The following UBAP2 variants were observed in gnomAD, a reference collection of about 807,000 sequenced individuals.
The protein encoded by UBAP2 is ubiquitin associated protein 2.
UBAP2 carries 75 observed loss-of-function variants against 139.6 expected under a neutral mutation model. The observed-to-expected ratio is 0.54, with a 90% CI of 0.45 to 0.65. The LOEUF is 0.65. Among genes scored for constraint, UBAP2 ranks in the 30% least tolerant of loss-of-function variants. The pLI, the probability that UBAP2 is intolerant of heterozygous loss-of-function variation, is 0.00. For missense variants in UBAP2, 1,368 were observed against 1,369.6 expected, an observed-to-expected ratio of 1.00 and a Z score of 0.02; for synonymous variants, 526 against 526.2, an observed-to-expected ratio of 1.00 and a Z score of 0.01.
chr9:33,956,399 A>G (rs1826570310), intron 10 of UBAP2, among the ~76,000 whole-genome samples: 1 of 150,962 alleles, frequency 6.6e-6, no homozygotes, highest in Non-Finnish European at 1.5e-5. Context: ...GCTCACTGCA[A>G]TCTGTGCCTC....
chr9:33,976,746 T>A (rs1828378433), intron 6 of UBAP2, among the ~76,000 whole-genome samples: 1 of 152,030 alleles, frequency 6.6e-6, no homozygotes, highest in Admixed American at 6.6e-5. Flanking sequence ...GCTGTAATCC[T>A]AGCACTTTGG....
intron 6 of UBAP2, among the ~76,000 whole-genome samples, chr9:33,985,144 C>T (rs1190263221): frequency 2.6e-5 from 4 of 152,110 alleles, no homozygotes; most frequent in African/African-American, 9.7e-5. Flanking sequence ...ACCAATAGTG[C>T]TTCATGTTTG....
At chr9:34,028,132 C>T (rs376337472) in intron 1 of UBAP2, among the ~76,000 whole-genome samples, 1 of 151,954 alleles carries the variant, frequency 6.6e-6, no homozygotes, top group East Asian at 1.9e-4. Context: ...CCTACACCCA[C>T]ACTTCGCTGA....
intron 13 of UBAP2, among the ~76,000 whole-genome samples, chr9:33,946,988 C>A (rs1825699241): frequency 1.3e-5 from 2 of 152,166 alleles, no homozygotes; most frequent in Admixed American, 1.3e-4. Context: ...ACACACTAAC[C>A]TATTAAGAGT....
Position 33,963,712 on chromosome 9 carries a change from T to C in UBAP2, c.745+14A>G. The C allele has an allele frequency of 1.3e-6, 2 of 1,536,118 alleles. No individual in the cohort carries two copies. Among genetic ancestry groups the C allele is most frequent in the African/African-American group, 2.7e-5 (2 of 72,962 alleles). On this transcript the variant is annotated intron_variant, in intron 9 of 28. Coordinates refer to ENST00000379238, the MANE Select transcript of UBAP2 (RefSeq NM_001370062.2). ...ATTCTTAATTTTAAAAATTAAAAAA[T>C]TAAGTATTCATACCTTTGAGTCCAT...
At chr9:33,962,974 C>T (rs1827183631) in intron 9 of UBAP2, among the ~76,000 whole-genome samples, 1 of 150,686 alleles carries the variant, frequency 6.6e-6, no homozygotes, top group Non-Finnish European at 1.5e-5. Context: ...AGCAAAACTC[C>T]ATCTCAAAAA....
rs139480314 is a variant in UBAP2 at position 33,927,985 on chromosome 9, C to T, written c.2183G>A (p.Ser728Asn). 666 of 1,610,174 alleles carry T rather than the reference C, an allele frequency of 4.1e-4. 2 individuals carry two copies. The highest frequency in any genetic ancestry group is 6.9e-4 in the South Asian group (62 of 90,478). The change falls in exon 20 of 29, where the codon AGT (serine) becomes AAT (asparagine). Residue 728 changes from serine to asparagine, a missense_variant. Coordinates refer to ENST00000379238, the MANE Select transcript of UBAP2 (RefSeq NM_001370062.2). The stretch of plus-strand genomic sequence containing the variant: ...CTGGTGGGAAGAGGCGCTCTCCACA[C>T]TGGCATGCTGGCAAAAGAAAAGCCA... ...LSSSTSHTHA[S>N]VESASSHQSS...
Position 33,987,240 on chromosome 9 carries a change from G to C in UBAP2, c.443-403C>G, listed in dbSNP as rs186496318. ...AGCCTGGCTAACACACGGAAACCCT[G>C]TCTCTACCAAAAAATATAAAAATTA... On this transcript the variant is annotated intron_variant, in intron 5 of 28. Transcript: ENST00000379238. Among the ~76,000 whole-genome samples, 160 of 152,080 alleles carry C rather than the reference G, an allele frequency of 1.1e-3. 1 individual carries two copies. Among genetic ancestry groups the C allele is most frequent in the Middle Eastern group, 6.8e-3 (2 of 294 alleles).
At chr9:33,985,069 C>T (rs1343364789) in intron 6 of UBAP2, among the ~76,000 whole-genome samples, 1 of 152,044 alleles carries the variant, frequency 6.6e-6, no homozygotes, top group Non-Finnish European at 1.5e-5. Flanking sequence ...TTATCAAAAA[C>T]AAAAAATTGA....
intron 2 of UBAP2, among the ~76,000 whole-genome samples, chr9:34,016,387 GT>G (rs1824343456): frequency 7.9e-6 from 1 of 126,610 alleles, no homozygotes; most frequent in Non-Finnish European, 1.9e-5. Context: ...GGTGGTGGTG[GT>G]GGTGGTGGTG....
chr9:33,964,256 C>A (rs1189863127), intron 8 of UBAP2, among the ~76,000 whole-genome samples: 1 of 152,092 alleles, frequency 6.6e-6, no homozygotes, highest in Admixed American at 6.6e-5. Context: ...TATCAACAAG[C>A]CAATACCATT....
chr9:34,032,861 T>G (rs1054934467), intron 1 of UBAP2, among the ~76,000 whole-genome samples: 1 of 150,962 alleles, frequency 6.6e-6, no homozygotes, highest in East Asian at 1.9e-4. Flanking sequence ...GAGGCAGAGG[T>G]TGCAGTGAGC....
chr9:33,955,744 T>C (rs1318911394), intron 11 of UBAP2, among the ~76,000 whole-genome samples: 1 of 151,466 alleles, frequency 6.6e-6, no homozygotes, highest in Non-Finnish European at 1.5e-5. Context: ...GGAGAATCAC[T>C]TGAACCCGAG....
intron 6 of UBAP2, 53 bp from the exon 7 acceptor site, chr9:33,973,290 T>C: frequency 1.3e-6 from 2 of 1,555,710 alleles, no homozygotes; most frequent in South Asian, 2.2e-5. Context: ...TCCTACACAA[T>C]TACACTTCCT....
At position 34,001,887 on chromosome 9, in the gene UBAP2, C is replaced by T. The variant is rs549311647; in HGVS notation, c.100-3023G>A. ...AATTATAAGCTTTACAAGTCAAACACAAGAAAAATTGAAAAATCCATAAAG... is the reference window on the plus strand; with the variant it reads ...AATTATAAGCTTTACAAGTCAAACATAAGAAAAATTGAAAAATCCATAAAG... On this transcript the variant is annotated intron_variant, in intron 2 of 28. Transcript: ENST00000379238. Among the ~76,000 whole-genome samples the T allele has an allele frequency of 1.7e-4, 26 of 149,728 alleles. 1 individual carries two copies. Among genetic ancestry groups the T allele is most frequent in the African/African-American group, 6.2e-4 (25 of 40,640 alleles).
chr9:33,957,090 A>G (rs941662320), intron 10 of UBAP2, among the ~76,000 whole-genome samples: 21 of 145,912 alleles, frequency 1.4e-4, no homozygotes, highest in African/African-American at 4.6e-4. Context: ...TCCTGCCTCA[A>G]AAAAAAAAAA....
At chr9:34,023,782 A>C (rs971663152) in intron 1 of UBAP2, among the ~76,000 whole-genome samples, 3 of 152,224 alleles carry the variant, frequency 2.0e-5, no homozygotes, top group African/African-American at 7.2e-5. Flanking sequence ...GCAGTAGCTC[A>C]CGCCTGTAAT....
chr9:33,959,869 C>G (rs1826890193), intron 10 of UBAP2, among the ~76,000 whole-genome samples: 1 of 152,110 alleles, frequency 6.6e-6, no homozygotes, highest in South Asian at 2.1e-4. Flanking sequence ...ACAGTGTCAG[C>G]TGGCTATCAG....
At chr9:34,039,707 A>G (rs9696412) in intron 1 of UBAP2, among the ~76,000 whole-genome samples, 103,275 of 151,698 alleles carry the variant, frequency 0.68, 35,794 homozygotes, top group East Asian at 0.82. Flanking sequence ...CAAACACTGC[A>G]GAAGGCCGCA....
Sources: gnomAD v4.1 joint callset for allele counts (sites outside exome capture counted in the v4.1 genomes callset) on GRCh38, gnomAD v4.1.1 for gene constraint, MANE v1.5 for transcripts, NCBI Gene and HGNC (gene_info 2026-07-23, HGNC 2026-07-21) for gene names.